AHCYL2: variants seen among roughly 807,000 people sequenced by gnomAD.
AHCYL2 encodes the protein adenosylhomocysteinase like 2.
Under a neutral mutation model 81.4 loss-of-function variants are expected in AHCYL2, and 28 were observed. The ratio of observed to expected loss-of-function variants is 0.34; its 90% CI spans 0.25 to 0.47. The LOEUF (loss-of-function observed/expected upper bound fraction) is 0.47, where lower values mean the gene tolerates loss of function less well. Among genes scored for constraint, AHCYL2 ranks in the 20% least tolerant of loss-of-function variants. The pLI, the probability that AHCYL2 is intolerant of heterozygous loss-of-function variation, is 1.00. For synonymous variants in AHCYL2, 272 were observed against 290.2 expected, an observed-to-expected ratio of 0.94 and a Z score of 0.64; for missense variants, 551 against 785.1, an observed-to-expected ratio of 0.70 and a Z score of 3.56.
rs533523901 is a variant in AHCYL2 at position 129,292,929 on chromosome 7, T to C, written c.363+67490T>C. 2.0e-5 allele frequency among the ~76,000 whole-genome samples: 3 copies of C among 152,304 alleles called. No individual in the cohort carries two copies. In the East Asian group the frequency reaches 5.8e-4, roughly 29 times the overall value. Reference sequence around the variant, plus strand: ...TCTTAAAAGCATATTGCTTTGGGAATGATAGTAAGAGGAGTAAAGAATAAA... The same window carrying C: ...TCTTAAAAGCATATTGCTTTGGGAACGATAGTAAGAGGAGTAAAGAATAAA... On this transcript the variant is annotated intron_variant, in intron 1 of 16. Transcript: ENST00000325006.
chr7:129,395,341 T>C (rs867983135), intron 4 of AHCYL2, among the ~76,000 whole-genome samples: 10 of 152,220 alleles, frequency 6.6e-5, no homozygotes, highest in Non-Finnish European at 5.9e-5. Flanking sequence ...TTCTTGGATC[T>C]CTGGTGCAGT....
In AHCYL2 at chr7:129,355,698, G is replaced by A. The variant is rs555206991; in HGVS notation, c.364-23940G>A. Among the ~76,000 whole-genome samples the A allele has an allele frequency of 7.9e-5, 12 of 152,298 alleles. 1 individual carries two copies. The highest frequency in any genetic ancestry group is 2.9e-4 in the African/African-American group (12 of 41,572). ...CTAGAGAATGAGTTGTTATTTGGAGGATAAGGGAAAATTCACTCTGTAGGT... is the reference window on the plus strand; with the variant it reads ...CTAGAGAATGAGTTGTTATTTGGAGAATAAGGGAAAATTCACTCTGTAGGT... On this transcript the variant is annotated intron_variant, in intron 1 of 16. Transcript: ENST00000325006.
At chr7:129,230,202 C>T (rs977662323) in intron 1 of AHCYL2, among the ~76,000 whole-genome samples, 1 of 151,200 alleles carries the variant, frequency 6.6e-6, no homozygotes, top group Non-Finnish European at 1.5e-5. Flanking sequence ...CCTGTCTTGC[C>T]CTCCTGAGTA....
chr7:129,272,416 G>C (rs2150729884), intron 1 of AHCYL2, among the ~76,000 whole-genome samples: 1 of 152,300 alleles, frequency 6.6e-6, no homozygotes, highest in Middle Eastern at 3.4e-3. Flanking sequence ...ATGCCACTAA[G>C]CTTTAGGGTA....
At chr7:129,328,248 G>A (rs150889058) in intron 1 of AHCYL2, among the ~76,000 whole-genome samples, 72 of 152,238 alleles carry the variant, frequency 4.7e-4, no homozygotes, top group Non-Finnish European at 4.9e-4. Context: ...CACAATCTTC[G>A]CTCACTGCAA....
At chr7:129,407,434 G>C (rs1419224136) in intron 10 of AHCYL2, among the ~76,000 whole-genome samples, 1 of 152,036 alleles carries the variant, frequency 6.6e-6, no homozygotes, top group African/African-American at 2.4e-5. Flanking sequence ...CATAATATAT[G>C]CTCATTAAAT....
chr7:129,367,837 C>G lies in AHCYL2; in HGVS notation c.364-11801C>G, dbSNP rs527357315. ...TGATTTTGAAAAAGATCTTCCTAGG[C>G]TCCATCCGAACCTCCCATGCAATAA... On this transcript the variant is annotated intron_variant, in intron 1 of 16. Transcript: ENST00000325006. Among the ~76,000 whole-genome samples, 6 of 152,338 alleles carry G rather than the reference C, an allele frequency of 3.9e-5. No homozygotes were observed. The East Asian group carries it at 1.2e-3, about 29-fold the overall frequency.
chr7:129,309,450 G>A (rs943722282), intron 1 of AHCYL2, among the ~76,000 whole-genome samples: 3 of 151,694 alleles, frequency 2.0e-5, no homozygotes, highest in Non-Finnish European at 2.9e-5. Context: ...TAAGGTGAGA[G>A]GATCACTTGA....
Position 129,389,015 on chromosome 7 carries a change from C to G in AHCYL2, c.476-41C>G, listed in dbSNP as rs200782522. On this transcript the variant is annotated intron_variant, in intron 2 of 16. Transcript: ENST00000325006. ...CCATGGTTTGGAATTTTAGAGGAAG[C>G]ATTTTTTTTTTTCCGAGTGTTTTTT... 6,553 of 1,574,746 alleles carry G rather than the reference C, an allele frequency of 4.2e-3. 24 individuals are homozygous for G. Among genetic ancestry groups the G allele is most frequent in the Non-Finnish European group, 4.8e-3 (5,597 of 1,162,370 alleles).
intron 5 of AHCYL2, among the ~76,000 whole-genome samples, chr7:129,398,170 A>G (rs1434257104): frequency 1.3e-5 from 2 of 151,970 alleles, no homozygotes; most frequent in East Asian, 3.9e-4. Flanking sequence ...CACCATGCCC[A>G]GCTAATTTAA....
At chr7:129,247,305 TTG>T (rs1233248296) in intron 1 of AHCYL2, among the ~76,000 whole-genome samples, 4 of 152,358 alleles carry the variant, frequency 2.6e-5, no homozygotes, top group African/African-American at 9.6e-5. Flanking sequence ...TGGTTTTAAT[TTG>T]TGTTTCCTCA....
intron 1 of AHCYL2, among the ~76,000 whole-genome samples, chr7:129,321,999 C>A (rs1798052118): frequency 6.6e-6 from 1 of 151,938 alleles, no homozygotes; most frequent in South Asian, 2.1e-4. Context: ...TGGTCTCAAA[C>A]TCCTGACCTC....
At chr7:129,420,900 G>A (rs907416160) in intron 12 of AHCYL2, among the ~76,000 whole-genome samples, 3 of 152,012 alleles carry the variant, frequency 2.0e-5, no homozygotes, top group Admixed American at 2.0e-4. Flanking sequence ...CTACAAATAT[G>A]CTTAAAATAA....
chr7:129,255,350 C>G (rs1269653094), intron 1 of AHCYL2, among the ~76,000 whole-genome samples: 1 of 152,152 alleles, frequency 6.6e-6, no homozygotes, highest in Non-Finnish European at 1.5e-5. Context: ...ATTATTTTAA[C>G]ATATCAATAT....
intron 1 of AHCYL2, among the ~76,000 whole-genome samples, chr7:129,228,093 T>C (rs57161831): frequency 3.3e-3 from 510 of 152,350 alleles, no homozygotes; most frequent in African/African-American, 0.012. Flanking sequence ...AATAACCACT[T>C]TGACCTTGAC....
rs1797286654 is a variant in AHCYL2 at position 129,424,866 on chromosome 7, A to G, written c.1561-8A>G. On this transcript the variant is annotated splice_polypyrimidine_tract_variant and splice_region_variant and intron_variant, in intron 13 of 16. Coordinates refer to ENST00000325006, the MANE Select transcript of AHCYL2 (RefSeq NM_015328.4). ...TAATCCATTTGTGTCTTCACCTTTG[A>G]TCACTAGGGCCGCCTGCTGAACCTT... The G allele has an allele frequency of 6.2e-7, 1 of 1,612,388 alleles. No homozygotes were observed. The highest frequency in any genetic ancestry group is 8.5e-7 in the Non-Finnish European group (1 of 1,179,972).
intron 12 of AHCYL2, among the ~76,000 whole-genome samples, chr7:129,416,242 A>G (rs1449560323): frequency 6.6e-6 from 1 of 152,186 alleles, no homozygotes; most frequent in East Asian, 1.9e-4. Flanking sequence ...AAGACTCTTC[A>G]CCTTCAATTA....
At chr7:129,307,616 C>T (rs1228410993) in intron 1 of AHCYL2, among the ~76,000 whole-genome samples, 2 of 151,870 alleles carry the variant, frequency 1.3e-5, no homozygotes, top group Admixed American at 1.3e-4. Flanking sequence ...TGAACTGGTA[C>T]CTAAGCTGCA....
chr7:129,424,502 A>G (rs1797267605), intron 13 of AHCYL2, among the ~76,000 whole-genome samples: 1 of 152,172 alleles, frequency 6.6e-6, no homozygotes, highest in Non-Finnish European at 1.5e-5. Flanking sequence ...TTGACTGATC[A>G]TTGTTTATTT....
Sources: gnomAD v4.1 joint callset for allele counts (sites outside exome capture counted in the v4.1 genomes callset) on GRCh38, gnomAD v4.1.1 for gene constraint, MANE v1.5 for transcripts, NCBI Gene and HGNC (gene_info 2026-07-23, HGNC 2026-07-21) for gene names.